The following CD58 variants were observed in gnomAD, a reference collection of about 807,000 sequenced individuals.
CD58 encodes the protein CD58 molecule.
CD58 carries 14 observed loss-of-function variants against 27.6 expected under a neutral mutation model. The ratio of observed to expected loss-of-function variants is 0.51; its 90% CI spans 0.34 to 0.79. The LOEUF is 0.79. CD58 is among the 30% of genes least tolerant of loss of function. The pLI is 0.02. For missense variants in CD58, 268 were observed against 301.7 expected (o/e 0.89, Z 0.83); for synonymous variants, 117 against 103.8 (o/e 1.13, Z -0.77).
At chr1:116,561,859 G>T (rs886109765) in intron 1 of CD58, among the ~76,000 whole-genome samples, 2 of 152,138 alleles carry the variant, frequency 1.3e-5, no homozygotes, top group African/African-American at 4.8e-5. Context: ...AAATCAGTGT[G>T]ACAATTAAAT....
intron 4 of CD58, among the ~76,000 whole-genome samples, chr1:116,520,957 T>C (rs1657245733): frequency 6.6e-6 from 1 of 152,196 alleles, no homozygotes; most frequent in African/African-American, 2.4e-5. Context: ...CTTTCTGCAA[T>C]GATAGGATTA....
chr1:116,566,583 A>G (rs1288548243), intron 1 of CD58, among the ~76,000 whole-genome samples: 4 of 152,232 alleles, frequency 2.6e-5, no homozygotes, highest in African/African-American at 4.8e-5. Flanking sequence ...ATGAGTCCAG[A>G]ACATCTTTCT....
At chr1:116,533,614 A>C in intron 3 of CD58, 1 of 704,882 alleles carries the variant, frequency 1.4e-6, no homozygotes, top group Non-Finnish European at 2.7e-6. Flanking sequence ...GAACTCTGGA[A>C]TTCCTTTGGG....
chr1:116,533,709 A>G (rs1473254654), intron 3 of CD58: 2 of 687,856 alleles, frequency 2.9e-6, no homozygotes, highest in Non-Finnish European at 5.4e-6. Flanking sequence ...CCTCCTCTTC[A>G]TTTTCACGGT....
rs921813940 is a variant in CD58, at chr1:116,519,711, T to G, written c.707-444A>C. On this transcript the variant is annotated intron_variant, in intron 4 of 5. Coordinates refer to ENST00000369489, the MANE Select transcript of CD58 (RefSeq NM_001779.3). This position sits in a 1 kb window ranked among gnomAD's most constrained non-coding sequence, Gnocchi z 4.7. ...AATATAAAATTATTTCAACATGTAC[T>G]CAATATAAACATTTTTTAATGAGAT... Among the ~76,000 whole-genome samples the G allele has an allele frequency of 6.6e-6, 1 of 152,250 alleles. No individual in the cohort carries two copies. Among genetic ancestry groups the G allele is most frequent in the Admixed American group, 6.5e-5 (1 of 15,280 alleles).
In CD58 at chr1:116,570,753, C is replaced by T; in HGVS notation, c.70+150G>A. On this transcript the variant is annotated intron_variant, in intron 1 of 5. Transcript: ENST00000369489. The surrounding 1 kb of genome is among the most constrained non-coding windows in gnomAD (Gnocchi z 6.4). Reference sequence around the variant, plus strand: ...TAACAACTTTCTCTTCCTGAAAAGGCTCCCACGGCTGAGTTGTTCCCGGCC... The same window carrying T: ...TAACAACTTTCTCTTCCTGAAAAGGTTCCCACGGCTGAGTTGTTCCCGGCC... The T allele has an allele frequency of 3.4e-6, 2 of 586,020 alleles. No individual in the cohort carries two copies. Among genetic ancestry groups the T allele is most frequent in the Non-Finnish European group, 5.9e-6 (2 of 339,230 alleles). The allele number at this position is 586,020 out of a possible 1,614,324, so 36.3% of individuals were successfully genotyped here.
chr1:116,558,828 A>G (rs1203947904), intron 1 of CD58, among the ~76,000 whole-genome samples: 3 of 152,230 alleles, frequency 2.0e-5, no homozygotes, highest in Non-Finnish European at 4.4e-5. Flanking sequence ...ACTTGTTCCA[A>G]GAGCTGTTTG....
At chr1:116,526,612 A>C (rs1047128111) in intron 3 of CD58, among the ~76,000 whole-genome samples, 1 of 152,182 alleles carries the variant, frequency 6.6e-6, no homozygotes, top group Admixed American at 6.5e-5. Flanking sequence ...TAAGTCTTGA[A>C]GTTGAGTAGT....
At chr1:116,525,856 G>A (rs1657411116) in intron 3 of CD58, among the ~76,000 whole-genome samples, 1 of 152,122 alleles carries the variant, frequency 6.6e-6, no homozygotes, top group Non-Finnish European at 1.5e-5. Flanking sequence ...TCCCCATGTT[G>A]GCCAGGCTGG....
At position 116,524,437 on chromosome 1, in the gene CD58, A is replaced by G. The variant is rs1284218134; in HGVS notation, c.629-2454T>C. 6.6e-6 allele frequency among the ~76,000 whole-genome samples: 1 copy of G among 152,138 alleles called. No individual in the cohort carries two copies. Among genetic ancestry groups the G allele is most frequent in the East Asian group, 1.9e-4 (1 of 5,204 alleles). ...AATGGACAGAACCAGGAAATACACA[A>G]TTTTCTAAGAGACAAAATACATTAA... On this transcript the variant is annotated intron_variant, in intron 3 of 5. Transcript: ENST00000369489. The surrounding 1 kb of genome is among the most constrained non-coding windows in gnomAD (Gnocchi z 4.6).
intron 1 of CD58, among the ~76,000 whole-genome samples, chr1:116,558,942 G>A (rs1468493531): frequency 6.6e-6 from 1 of 152,180 alleles, no homozygotes; most frequent in African/African-American, 2.4e-5. Flanking sequence ...GCCAGACACT[G>A]AAATAAGCAG....
Position 116,524,316 on chromosome 1 carries a change from G to A in CD58, c.629-2333C>T, listed in dbSNP as rs938707913. Among the ~76,000 whole-genome samples, 11 of 152,166 alleles carry A rather than the reference G, an allele frequency of 7.2e-5. No individual in the cohort carries two copies. The highest frequency in any genetic ancestry group is 2.7e-4 in the African/African-American group (11 of 41,444). On this transcript the variant is annotated intron_variant, in intron 3 of 5. Transcript: ENST00000369489. The surrounding 1 kb of genome is among the most constrained non-coding windows in gnomAD (Gnocchi z 4.6). ...TTCGGGTGCTGAAACTGGGAAGTCT[G>A]GGCACACCAGGTAACACTGGTCACT...
intron 5 of CD58, 73 bp from the exon 6 acceptor site, chr1:116,514,895 C>A: frequency 9.7e-7 from 1 of 1,035,068 alleles, no homozygotes; most frequent in Non-Finnish European, 1.5e-6. Context: ...GTCTTAATTA[C>A]CCTCCTATTC....
rs1657476161 is a variant in CD58, at chr1:116,527,839, G to C, written c.629-5856C>G. Among the ~76,000 whole-genome samples the C allele has an allele frequency of 1.3e-5, 2 of 152,236 alleles. No homozygotes were observed. Among genetic ancestry groups the C allele is most frequent in the South Asian group, 4.1e-4 (2 of 4,826 alleles). ...TTGGAAGATTATTAATTACTGATCT[G>C]ATTTATTTAAACTGCCAGGCTGAAG... On this transcript the variant is annotated intron_variant, in intron 3 of 5. Coordinates refer to ENST00000369489, the MANE Select transcript of CD58 (RefSeq NM_001779.3). This position sits in a 1 kb window ranked among gnomAD's most constrained non-coding sequence, Gnocchi z 4.4.
intron 1 of CD58, among the ~76,000 whole-genome samples, chr1:116,565,744 CAG>C (rs906002868): frequency 2.8e-5 from 4 of 144,150 alleles, no homozygotes; most frequent in Non-Finnish European, 6.0e-5. Flanking sequence ...TTTTTTGAGA[CAG>C]AGTCTCACTC....
chr1:116,514,822 G>T lies in CD58; in HGVS notation c.744C>A (p.Asn248Lys). 1 of 1,558,608 alleles carries T rather than the reference G, an allele frequency of 6.4e-7. No homozygotes were observed. Among genetic ancestry groups the T allele is most frequent in the Non-Finnish European group, 8.8e-7 (1 of 1,134,944 alleles). The change falls in exon 6 of 6, where the codon AAC (asparagine) becomes AAA (lysine). Residue 248 changes from asparagine (N) to lysine (K), a missense_variant and splice_region_variant. Transcript: ENST00000369489. ...CATCTTCTGTTACCAATCAATTGGA[G>T]CTACAAAAAAAAATCATATTATTAA... is the stretch of plus-strand genomic sequence containing the variant. Reference protein sequence around the residue: ...LKCDRKPDRTNSN With the variant: ...LKCDRKPDRTKSN
rs542121613 is a variant in CD58, at chr1:116,531,446, A to G, written c.628+4519T>C. 3.3e-5 allele frequency among the ~76,000 whole-genome samples: 5 copies of G among 152,230 alleles called. No homozygotes were observed. Among genetic ancestry groups the G allele is most frequent in the Admixed American group, 6.5e-5 (1 of 15,286 alleles). On this transcript the variant is annotated intron_variant, in intron 3 of 5. Coordinates refer to ENST00000369489, the MANE Select transcript of CD58 (RefSeq NM_001779.3). This position sits in a 1 kb window ranked among gnomAD's most constrained non-coding sequence, Gnocchi z 4.5. ...CAGCACACATATACCAAAAGGCAAA[A>G]GCACACTGGTTTTATTTTTTGTTGT...
rs756693753 is a variant in CD58, at chr1:116,544,433, A to C, written c.242T>G (p.Val81Gly). Residue 81 changes from valine (V) to glycine (G), a missense_variant, in exon 2 of 6, where the codon GTT (valine) becomes GGT (glycine). Val to Gly is a moderately radical substitution (Grantham distance 109, BLOSUM62 -3). Coordinates refer to ENST00000369489, the MANE Select transcript of CD58 (RefSeq NM_001779.3). ...FRAFSSFKNR[V>G]YLDTVSGSLT... ...GCTACCTGACACAGTGTCTAAATAA[A>C]CCCTATTTTTAAAAGATGAGAAAGC... 1 of 1,613,948 alleles carries C rather than the reference A, an allele frequency of 6.2e-7. No individual in the cohort carries two copies. Among genetic ancestry groups the C allele is most frequent in the South Asian group, 1.1e-5 (1 of 91,080 alleles).
rs1405056600 is a variant in CD58, at chr1:116,532,786, G to C, written c.628+3179C>G. On this transcript the variant is annotated intron_variant, in intron 3 of 5. Coordinates refer to ENST00000369489, the MANE Select transcript of CD58 (RefSeq NM_001779.3). This position sits in a 1 kb window ranked among gnomAD's most constrained non-coding sequence, Gnocchi z 5.1. ...ATTAAGCAAAATAATAAGGAAAAAG[G>C]AAAAGTGAAAGTGAAAATCATGCAC... 5.8e-6 allele frequency: 3 copies of C among 515,570 alleles called. No individual in the cohort carries two copies. Among genetic ancestry groups the C allele is most frequent in the Non-Finnish European group, 1.1e-5 (3 of 283,952 alleles). The allele number at this position is 515,570 out of a possible 1,614,324, so 31.9% of individuals were successfully genotyped here.
Sources: gnomAD v4.1 joint callset for allele counts (sites outside exome capture counted in the v4.1 genomes callset) on GRCh38, gnomAD v4.1.1 for gene constraint, Gnocchi (gnomAD v3.1) non-coding constraint, MANE v1.5 for transcripts, NCBI Gene and HGNC (gene_info 2026-07-23, HGNC 2026-07-21) for gene names.